CCDC180: variants seen among roughly 807,000 people sequenced by gnomAD.
CCDC180 encodes the protein coiled-coil domain containing 180.
In CCDC180, 154 loss-of-function variants were observed where a neutral mutation model predicts 209.2. The observed-to-expected ratio is 0.74, with a 90% CI of 0.65 to 0.84. The LOEUF is 0.84. Among genes scored for constraint, CCDC180 ranks in the 40% least tolerant of loss-of-function variants. CCDC180 has a pLI of 0.00. For missense variants in CCDC180, 1,874 were observed against 1,997.3 expected, an observed-to-expected ratio of 0.94 and a Z score of 1.18; for synonymous variants, 778 against 749.1, an observed-to-expected ratio of 1.04 and a Z score of -0.63.
intron 14 of CCDC180, 55 bp downstream of exon 14, chr9:97,325,247 A>C: frequency 6.6e-7 from 1 of 1,520,012 alleles, no homozygotes; most frequent in Non-Finnish European, 8.9e-7. Flanking sequence ...AATGAACTCA[A>C]ACAGATCCTT....
At position 97,369,969 on chromosome 9, in the gene CCDC180, T is replaced by G; in HGVS notation, c.4237T>G (p.Cys1413Gly). ...RRFEELLPQV[C>G]WLVMENFKEH... ...ATTTGAGGAGCTGCTGCCCCAAGTG[T>G]GTTGGCTGGTGATGGAGAATTTCAA... The change falls in exon 32 of 37, where the codon TGT becomes GGT. Residue 1413 changes from cysteine to glycine, a missense_variant. Physicochemically the swap from Cys to Gly is radical, Grantham distance 159. Coordinates refer to ENST00000529487, the MANE Select transcript of CCDC180 (RefSeq NM_020893.6). 6.2e-7 allele frequency: 1 copy of G among 1,614,094 alleles called. No homozygotes were observed. The highest frequency in any genetic ancestry group is 8.5e-7 in the Non-Finnish European group (1 of 1,180,014).
At chr9:97,307,469 G>A, upstream of CCDC180, 1 of 591,798 alleles carries the variant, frequency 1.7e-6, no homozygotes, top group East Asian at 3.0e-5. Flanking sequence ...CAGTCTACTT[G>A]GCGGGCTAGG....
At chr9:97,347,634 G>A (rs982298614) in intron 20 of CCDC180, 145 bp downstream of exon 20, 9 of 760,312 alleles carry the variant, frequency 1.2e-5, no homozygotes, top group Non-Finnish European at 1.4e-5. Context: ...AGATGTACAT[G>A]AGGGTTCGCA....
intron 11 of CCDC180, among the ~76,000 whole-genome samples, chr9:97,321,509 AG>A (rs1833358363): frequency 6.6e-6 from 1 of 152,216 alleles, no homozygotes. Context: ...TTTGGCTAGT[AG>A]TACCTGCCAT....
At chr9:97,368,782 C>T (rs1023637080) in intron 31 of CCDC180, among the ~76,000 whole-genome samples, 9 of 152,090 alleles carry the variant, frequency 5.9e-5, no homozygotes, top group African/African-American at 2.2e-4. Context: ...TCAGTTCAGG[C>T]CTCAAAGGAT....
At chr9:97,350,320 C>A in intron 21 of CCDC180, 89 bp from the exon 22 acceptor site, 1 of 1,337,460 alleles carries the variant, frequency 7.5e-7, no homozygotes. Flanking sequence ...TCCCTTGTCC[C>A]TCAGGCTGAT....
chr9:97,375,230 C>T (rs924969317), intron 35 of CCDC180, among the ~76,000 whole-genome samples: 10 of 152,172 alleles, frequency 6.6e-5, no homozygotes, highest in Admixed American at 2.0e-4. Context: ...CCCTTCCCCC[C>T]CCAGAACCCC....
At chr9:97,308,426 A>G (rs959472886) in intron 2 of CCDC180, among the ~76,000 whole-genome samples, 1 of 152,222 alleles carries the variant, frequency 6.6e-6, no homozygotes, top group African/African-American at 2.4e-5. Context: ...AAACATGACT[A>G]ATTTTTGTAT....
intron 26 of CCDC180, among the ~76,000 whole-genome samples, chr9:97,361,167 C>G (rs73563869): frequency 0.027 from 4,136 of 152,276 alleles, 185 homozygotes; most frequent in African/African-American, 0.094. Context: ...AGAGAACAGC[C>G]TAGGTGCTCA....
intron 34 of CCDC180, chr9:97,371,952 AC>A (rs1193610119): frequency 3.3e-6 from 1 of 299,478 alleles, no homozygotes; most frequent in East Asian, 5.4e-5. Context: ...GGTTAGGGAT[AC>A]CTTTTCTAAG....
chr9:97,310,039 T>C (rs1049020830), intron 3 of CCDC180, among the ~76,000 whole-genome samples: 2 of 152,164 alleles, frequency 1.3e-5, no homozygotes, highest in Admixed American at 6.5e-5. Flanking sequence ...TCCTGAAGGC[T>C]GAAGGTAAAT....
intron 33 of CCDC180, chr9:97,370,987 C>T (rs10981809): frequency 0.051 from 14,962 of 292,768 alleles, 2,283 homozygotes; most frequent in African/African-American, 0.35. Flanking sequence ...GACGGAGTCT[C>T]GCTCTGTCGC....
Position 97,371,655 on chromosome 9 carries a change from T to A in CCDC180, c.4549T>A (p.Phe1517Ile). Residue 1517 changes from phenylalanine to isoleucine, a missense_variant, in exon 34 of 37, where the codon TTC (phenylalanine) becomes ATC (isoleucine). Coordinates refer to ENST00000529487, the MANE Select transcript of CCDC180 (RefSeq NM_020893.6). ...ITNLATFTEKFLLQLDEVVTI... is the reference protein window; with the variant it reads ...ITNLATFTEKILLQLDEVVTI... ...CAACTTGGCCACCTTCACCGAGAAGTTCCTACTGCAGTTGGATGAGGTGGT... is the reference window on the plus strand; with the variant it reads ...CAACTTGGCCACCTTCACCGAGAAGATCCTACTGCAGTTGGATGAGGTGGT... 6.2e-7 allele frequency: 1 copy of A among 1,606,968 alleles called. No homozygotes were observed.
intron 16 of CCDC180, among the ~76,000 whole-genome samples, chr9:97,328,797 G>A (rs1825640918): frequency 6.6e-6 from 1 of 152,164 alleles, no homozygotes; most frequent in South Asian, 2.1e-4. Flanking sequence ...TTTGTGCTTG[G>A]TTGCTGTCAA....
chr9:97,360,517 C>T (rs975119225), intron 26 of CCDC180, among the ~76,000 whole-genome samples: 2 of 152,246 alleles, frequency 1.3e-5, no homozygotes, highest in South Asian at 2.1e-4. Flanking sequence ...CACATCCTCT[C>T]ACATCTCCCA....
intron 25 of CCDC180, among the ~76,000 whole-genome samples, chr9:97,358,827 C>G (rs1460481452): frequency 1.3e-5 from 2 of 152,162 alleles, no homozygotes; most frequent in Admixed American, 1.3e-4. Context: ...TTCTCCTCAC[C>G]GTTCTCTGTC....
intron 33 of CCDC180, chr9:97,371,218 C>A (rs1325408439): frequency 6.0e-6 from 1 of 165,686 alleles, no homozygotes; most frequent in Non-Finnish European, 1.3e-5. Context: ...CCCGCCTCGG[C>A]CTCCCAAAGT....
chr9:97,366,987 T>A lies in CCDC180; in HGVS notation c.4189+287T>A, dbSNP rs553871085. Among the ~76,000 whole-genome samples, 1 of 152,254 alleles carries A rather than the reference T, an allele frequency of 6.6e-6. No individual in the cohort carries two copies. Among genetic ancestry groups the A allele is most frequent in the Non-Finnish European group, 1.5e-5 (1 of 68,044 alleles). ...ATTTTTGACAGCTTTGTTGAGATAC[T>A]TGGGTACCATAAAATTTACACATGT... On this transcript the variant is annotated intron_variant, in intron 31 of 36. Transcript: ENST00000529487. This position sits in a 1 kb window ranked among gnomAD's most constrained non-coding sequence, Gnocchi z 4.3.
rs111348611 is a variant in CCDC180 at position 97,366,569 on chromosome 9, G to A, written c.4058G>A (p.Arg1353His). 3.6e-5 allele frequency: 58 copies of A among 1,610,028 alleles called. No individual in the cohort carries two copies. In the East Asian group the frequency reaches 7.4e-4, roughly 21 times the overall value. Residue 1353 changes from arginine (R) to histidine (H), a missense_variant, in exon 31 of 37, where the codon CGT (arginine) becomes CAT (histidine). Transcript: ENST00000529487. The surrounding 1 kb of genome is among the most constrained non-coding windows in gnomAD (Gnocchi z 4.3). ...CACCCTCTCTGGCAGGAGTTCTACC[G>A]TAAAGAAAAACGCCCAGTCACCAGG... ...NLLTVAEEFY[R>H]KEKRPVTRPD...
Sources: allele counts gnomAD v4.1 joint callset (sites outside exome capture counted in the v4.1 genomes callset), GRCh38; gene constraint gnomAD v4.1.1; non-coding constraint Gnocchi (gnomAD v3.1); transcripts MANE v1.5; gene names NCBI Gene and HGNC (gene_info 2026-07-23, HGNC 2026-07-21).